The following ZNF700 variants were observed in gnomAD, a reference collection of about 807,000 sequenced individuals.
ZNF700 encodes zinc finger protein 700.
Under a neutral mutation model 65.3 loss-of-function variants are expected in ZNF700, and 38 were observed. The ratio of observed to expected loss-of-function variants is 0.58; its 90% CI spans 0.45 to 0.76. The LOEUF (loss-of-function observed/expected upper bound fraction) is 0.76. Ranked by LOEUF, ZNF700 falls within the 30% of genes least tolerant of loss-of-function variation. The pLI is 0.00. For missense variants in ZNF700, 857 were observed against 888.4 expected, an observed-to-expected ratio of 0.96 and a Z score of 0.45; for synonymous variants, 285 against 290.4, an observed-to-expected ratio of 0.98 and a Z score of 0.19.
At chr19:11,925,388 A>T (rs980774371) in intron 1 of ZNF700, 115 bp downstream of exon 1, 29 of 1,507,742 alleles carry the variant, frequency 1.9e-5, no homozygotes, top group Non-Finnish European at 2.6e-5. Context: ...TCTGGGACCG[A>T]GTCCTCCTTG....
chr19:11,925,302 A>G (rs1568288204), intron 1 of ZNF700, 29 bp downstream of exon 1: 1 of 1,608,688 alleles, frequency 6.2e-7, no homozygotes, highest in African/African-American at 1.3e-5. Flanking sequence ...ATGTCGTGAG[A>G]CGGGGGAGGG....
rs369782760 is a variant in ZNF700 at position 11,948,318 on chromosome 19, T to C, written c.294T>C (p.Ser98=). ...EEKVNEIKED[S]HCGETFTQVP... ...AAGTCAATGAAATTAAAGAAGACAG[T>C]CATTGTGGAGAAACTTTTACCCAGG... The change falls in exon 4 of 4, where the codon AGT becomes AGC. Residue 98 remains serine (S), a synonymous_variant. Transcript: ENST00000254321. 145 of 1,613,624 alleles carry C rather than the reference T, an allele frequency of 9.0e-5. No homozygotes were observed. The highest frequency in any genetic ancestry group is 1.2e-4 in the Non-Finnish European group (145 of 1,179,820).
At chr19:11,933,742 A>T (rs1337401883) in intron 1 of ZNF700, among the ~76,000 whole-genome samples, 2 of 147,554 alleles carry the variant, frequency 1.4e-5, no homozygotes, top group Non-Finnish European at 2.9e-5. Context: ...TATCTAAAAA[A>T]AATTTTGTTT....
At chr19:11,931,379 T>C (rs1972711511) in intron 1 of ZNF700, among the ~76,000 whole-genome samples, 1 of 148,118 alleles carries the variant, frequency 6.8e-6, no homozygotes, top group South Asian at 2.1e-4. Context: ...AGAGCACTAA[T>C]CTCATTCAGA....
In ZNF700 at chr19:11,950,342, G is replaced by A; in HGVS notation, c.*89G>A. ...TGTGGCAAAACTTTCACATTTTCCAGTTCTTTTCGATATCATGAAAGGACT... is the reference window on the plus strand; with the variant it reads ...TGTGGCAAAACTTTCACATTTTCCAATTCTTTTCGATATCATGAAAGGACT... On this transcript the variant is annotated 3_prime_UTR_variant, in exon 4 of 4. Transcript: ENST00000254321. 6 of 1,319,748 alleles carry A rather than the reference G, an allele frequency of 4.5e-6. No homozygotes were observed. The South Asian group carries it at 7.9e-5, about 17-fold the overall frequency. The allele number at this position is 1,319,748 out of a possible 1,614,324, so 81.8% of individuals were successfully genotyped here.
chr19:11,928,001 ATT>A (rs111689982), intron 1 of ZNF700, among the ~76,000 whole-genome samples: 1 of 146,038 alleles, frequency 6.8e-6, no homozygotes, highest in African/African-American at 2.5e-5. Context: ...AGATACAACA[ATT>A]TTTTTTTTTT....
Position 11,939,078 on chromosome 19 carries a change from A to AT in ZNF700, c.64-8097dup, listed in dbSNP as rs777614018. Among the ~76,000 whole-genome samples, 1,142 of 151,780 alleles carry AT rather than the reference A, an allele frequency of 7.5e-3. 13 individuals carry two copies. Among genetic ancestry groups the AT allele is most frequent in the African/African-American group, 0.027 (1,109 of 41,340 alleles). On this transcript the variant is annotated intron_variant, in intron 1 of 3. Transcript: ENST00000254321. ...GCCCACTTTTTGATGGGGTTGTTTG[A>AT]TTTTTTCTTGTAAATTTGTTTAAGT... is the stretch of plus-strand genomic sequence containing the variant.
At chr19:11,927,735 TGGGACATC>T (rs1972652914) in intron 1 of ZNF700, among the ~76,000 whole-genome samples, 1 of 152,182 alleles carries the variant, frequency 6.6e-6, no homozygotes, top group Non-Finnish European at 1.5e-5. Context: ...TTATAGGTAT[TGGGACATC>T]AGGACATTCT....
intron 1 of ZNF700, among the ~76,000 whole-genome samples, chr19:11,941,224 A>G (rs951752644): frequency 4.6e-5 from 7 of 152,266 alleles, no homozygotes; most frequent in Admixed American, 4.6e-4. Context: ...AGGAGCCCAG[A>G]TGGCTTCACC....
intron 1 of ZNF700, among the ~76,000 whole-genome samples, chr19:11,937,843 G>A (rs1257031052): frequency 6.6e-6 from 1 of 152,008 alleles, no homozygotes; most frequent in Non-Finnish European, 1.5e-5. Context: ...ATCTTCTCTT[G>A]TATAGTTCAT....
Position 11,938,947 on chromosome 19 carries a change from G to T in ZNF700, c.64-8234G>T, listed in dbSNP as rs1330384031. On this transcript the variant is annotated intron_variant, in intron 1 of 3. Coordinates refer to ENST00000254321, the MANE Select transcript of ZNF700 (RefSeq NM_144566.3). The stretch of plus-strand genomic sequence containing the variant: ...CTGGTGTGAGATGGTATCTCATTGT[G>T]GTTTTGATTTGCATTTCTCTGATGG... Among the ~76,000 whole-genome samples, 4 of 152,216 alleles carry T rather than the reference G, an allele frequency of 2.6e-5. No individual in the cohort carries two copies. The East Asian group carries it at 7.7e-4, about 29-fold the overall frequency.
At chr19:11,941,646 C>A (rs142882256) in intron 1 of ZNF700, among the ~76,000 whole-genome samples, 1 of 152,184 alleles carries the variant, frequency 6.6e-6, no homozygotes, top group Non-Finnish European at 1.5e-5. Flanking sequence ...GCAAGCGCCG[C>A]GCGCAGCCCC....
intron 1 of ZNF700, among the ~76,000 whole-genome samples, chr19:11,940,897 A>G (rs1972871586): frequency 1.3e-5 from 2 of 152,142 alleles, no homozygotes; most frequent in Admixed American, 6.5e-5. Flanking sequence ...CAGAATAGCT[A>G]GGTACAGAGT....
intron 3 of ZNF700, 128 bp downstream of exon 3, chr19:11,947,702 C>A: frequency 1.0e-6 from 1 of 985,200 alleles, no homozygotes; most frequent in South Asian, 1.6e-5. Context: ...AATATTTTCT[C>A]AAAAAACATA....
chr19:11,931,217 T>A (rs1972708610), intron 1 of ZNF700, among the ~76,000 whole-genome samples: 1 of 148,018 alleles, frequency 6.8e-6, no homozygotes, highest in Non-Finnish European at 1.5e-5. Context: ...CATTTATTTC[T>A]GGCAGTTCTT....
In ZNF700 at chr19:11,947,272, T is replaced by C. The variant is rs751320967; in HGVS notation, c.155T>C (p.Val52Ala). The C allele has an allele frequency of 1.4e-5, 23 of 1,613,874 alleles. No individual in the cohort carries two copies. The highest frequency in any genetic ancestry group is 1.6e-4 in the Middle Eastern group (1 of 6,082). The stretch of plus-strand genomic sequence containing the variant: ...TCCCAGAAGAATCTCTTCAGGGAAG[T>C]GATGCTGGAAACTTTCAGGAACCTG... ...DISQKNLFRE[V>A]MLETFRNLTS... Residue 52 changes from valine to alanine, a missense_variant, in exon 2 of 4, where the codon GTG becomes GCG. Physicochemically the swap from Val to Ala is moderately conservative, Grantham distance 64. This residue lies in a region of ZNF700 where 603 missense variants were observed against 619.9 expected (regional missense o/e 0.97). Coordinates refer to ENST00000254321, the MANE Select transcript of ZNF700 (RefSeq NM_144566.3).
intron 1 of ZNF700, among the ~76,000 whole-genome samples, chr19:11,941,747 T>TGC (rs1972889035): frequency 6.6e-6 from 1 of 152,206 alleles, no homozygotes; most frequent in East Asian, 1.9e-4. Context: ...GCTCCCACAG[T>TGC]GCAGCAGTGG....
chr19:11,929,399 G>A (rs1250911462), intron 1 of ZNF700, among the ~76,000 whole-genome samples: 1 of 148,278 alleles, frequency 6.7e-6, no homozygotes, highest in Non-Finnish European at 1.5e-5. Flanking sequence ...CTGTCCTCAA[G>A]TGATCCACCC....
At chr19:11,932,300 C>T (rs955299871) in intron 1 of ZNF700, among the ~76,000 whole-genome samples, 10 of 147,110 alleles carry the variant, frequency 6.8e-5, no homozygotes, top group Non-Finnish European at 8.9e-5. Flanking sequence ...GCTATGATTG[C>T]ACCACTACAC....
Sources: allele counts gnomAD v4.1 joint callset (sites outside exome capture counted in the v4.1 genomes callset), GRCh38; gene constraint gnomAD v4.1.1; regional missense constraint gnomAD v4.1.1; transcripts MANE v1.5; gene names NCBI Gene and HGNC (gene_info 2026-07-23, HGNC 2026-07-21).